KIAA1549L: variants seen among roughly 807,000 people sequenced by gnomAD.
KIAA1549L encodes the protein KIAA1549 like.
Under a neutral mutation model 160.7 loss-of-function variants are expected in KIAA1549L, and 88 were observed. That is an observed-to-expected ratio of 0.55 (90% CI 0.46 to 0.65). The LOEUF (loss-of-function observed/expected upper bound fraction) is 0.65. Among genes scored for constraint, KIAA1549L ranks in the 30% least tolerant of loss-of-function variants. The pLI, the probability that KIAA1549L is intolerant of heterozygous loss-of-function variation, is 0.00. For missense variants in KIAA1549L, 2,258 were observed against 2,437.5 expected, an observed-to-expected ratio of 0.93 and a Z score of 1.55; for synonymous variants, 950 against 976.7, an observed-to-expected ratio of 0.97 and a Z score of 0.51.
chr11:33,612,399 C>G (rs1349001545), intron 15 of KIAA1549L, among the ~76,000 whole-genome samples: 1 of 152,184 alleles, frequency 6.6e-6, no homozygotes, highest in Non-Finnish European at 1.5e-5. Flanking sequence ...GAGGTAGCAT[C>G]AGTGTATTAG....
chr11:33,410,117 CTG>C (rs1850758218), intron 1 of KIAA1549L, among the ~76,000 whole-genome samples: 1 of 152,018 alleles, frequency 6.6e-6, no homozygotes, highest in Non-Finnish European at 1.5e-5. Flanking sequence ...ATGGGAATCA[CTG>C]AGACCAAACC....
At chr11:33,630,058 A>T (rs923775294) in intron 16 of KIAA1549L, among the ~76,000 whole-genome samples, 3 of 152,072 alleles carry the variant, frequency 2.0e-5, no homozygotes, top group African/African-American at 7.3e-5. Flanking sequence ...GTGAGGTGTC[A>T]GTCTGCCTCT....
intron 10 of KIAA1549L, among the ~76,000 whole-genome samples, chr11:33,579,702 A>G (rs1855571472): frequency 6.6e-6 from 1 of 152,130 alleles, no homozygotes; most frequent in Admixed American, 6.5e-5. Context: ...AACGCTATAG[A>G]CTTGAGGATT....
intron 6 of KIAA1549L, among the ~76,000 whole-genome samples, chr11:33,559,034 C>T (rs544686684): frequency 1.1e-4 from 16 of 151,828 alleles, no homozygotes; most frequent in African/African-American, 2.4e-4. Context: ...GATGGGGTTT[C>T]GCTATGTTGG....
intron 1 of KIAA1549L, among the ~76,000 whole-genome samples, chr11:33,459,179 G>A (rs921606669): frequency 1.3e-5 from 2 of 152,214 alleles, no homozygotes; most frequent in African/African-American, 4.8e-5. Flanking sequence ...TCGTGTGGAA[G>A]AATTCTGGGC....
intron 1 of KIAA1549L, among the ~76,000 whole-genome samples, chr11:33,449,546 T>C (rs1851679361): frequency 1.3e-5 from 2 of 152,202 alleles, no homozygotes; most frequent in Admixed American, 1.3e-4. Flanking sequence ...CATTCTTCTG[T>C]GACTCTCTGT....
intron 20 of KIAA1549L, among the ~76,000 whole-genome samples, chr11:33,666,625 G>A (rs1374669426): frequency 6.6e-6 from 1 of 152,126 alleles, no homozygotes; most frequent in African/African-American, 2.4e-5. Flanking sequence ...TGGGAGAATC[G>A]ACTCTAAATT....
chr11:33,559,682 C>T lies in KIAA1549L; in HGVS notation c.3856-67C>T, dbSNP rs1854772474. On this transcript the variant is annotated intron_variant, in intron 6 of 20. Coordinates refer to ENST00000658780, the MANE Select transcript of KIAA1549L (RefSeq NM_012194.3). ...CCTGCTTAGCCTCCCCCTCCCATGG[C>T]CTCCATGAAACACACCCTGGTCTTA... 1.4e-6 allele frequency: 2 copies of T among 1,400,258 alleles called. 1 individual carries two copies. The highest frequency in any genetic ancestry group is 2.4e-5 in the South Asian group (2 of 83,732). 86.7% of individuals were successfully genotyped at this position (1,400,258 alleles called of 1,614,324 possible).
In KIAA1549L at chr11:33,545,192, C is replaced by T. The variant is rs368053850; in HGVS notation, c.3199C>T (p.Arg1067Cys). Residue 1067 changes from arginine to cysteine, a missense_variant, in exon 3 of 21, where the codon CGC becomes TGC. This residue lies in a region of KIAA1549L where 1,359 missense variants were observed against 1,546.6 expected (regional missense o/e 0.88). Coordinates refer to ENST00000658780, the MANE Select transcript of KIAA1549L (RefSeq NM_012194.3). ...NLEMPRASTP[R>C]PLTVTAALTS... Reference sequence around the variant, plus strand: ...GGAGATGCCCAGAGCATCCACGCCACGCCCACTGACAGTCACGGCCGCGCT... The same window carrying T: ...GGAGATGCCCAGAGCATCCACGCCATGCCCACTGACAGTCACGGCCGCGCT... The T allele has an allele frequency of 4.0e-5, 64 of 1,614,028 alleles. No individual in the cohort carries two copies. The highest frequency in any genetic ancestry group is 2.2e-4 in the East Asian group (10 of 44,884).
intron 1 of KIAA1549L, among the ~76,000 whole-genome samples, chr11:33,431,795 G>T (rs992775882): frequency 1.2e-4 from 19 of 152,364 alleles, no homozygotes; most frequent in Non-Finnish European, 2.2e-4. Context: ...TGGAGCAGGG[G>T]GCGGTGCTCA....
intron 13 of KIAA1549L, among the ~76,000 whole-genome samples, chr11:33,600,608 C>T (rs532903048): frequency 1.1e-4 from 16 of 147,914 alleles, no homozygotes; most frequent in African/African-American, 3.7e-4. Flanking sequence ...TTTACAAGGT[C>T]AAATCAAAGA....
At chr11:33,508,108 C>T (rs1853134161) in intron 1 of KIAA1549L, among the ~76,000 whole-genome samples, 1 of 152,206 alleles carries the variant, frequency 6.6e-6, no homozygotes, top group African/African-American at 2.4e-5. Context: ...CCTTTCTCTG[C>T]ACAGGACTTA....
chr11:33,503,090 C>G (rs1425612313), intron 1 of KIAA1549L, among the ~76,000 whole-genome samples: 20 of 152,202 alleles, frequency 1.3e-4, no homozygotes, highest in Admixed American at 1.3e-3. Context: ...ACATTACTAG[C>G]TCACCTGAAG....
At position 33,542,572 on chromosome 11, in the gene KIAA1549L, G is replaced by A; in HGVS notation, c.1009G>A (p.Ala337Thr). 6.2e-7 allele frequency: 1 copy of A among 1,613,862 alleles called. No homozygotes were observed. Among genetic ancestry groups the A allele is most frequent in the Non-Finnish European group, 8.5e-7 (1 of 1,179,818 alleles). Residue 337 changes from alanine to threonine, a missense_variant, in exon 2 of 21, where the codon GCA (alanine) becomes ACA (threonine). Around this residue, in one of 6 missense-constraint regions of KIAA1549L, gnomAD observed 540 missense variants for 465.7 expected, o/e 1.16. Transcript: ENST00000658780. Reference protein sequence around the residue: ...ELSPTEGPHSAGSSTPGFLSP... With the variant: ...ELSPTEGPHSTGSSTPGFLSP... ...GTCCCCAACAGAGGGTCCCCATTCA[G>A]CAGGTTCATCCACACCTGGGTTTTT...
intron 15 of KIAA1549L, among the ~76,000 whole-genome samples, chr11:33,616,842 C>T (rs10768011): frequency 0.49 from 73,801 of 151,968 alleles, 18,211 homozygotes; most frequent in Middle Eastern, 0.59. Flanking sequence ...AATAGAGACA[C>T]TACATAGGCG....
rs546162492 is a variant in KIAA1549L at position 33,631,318 on chromosome 11, A to G, written c.5409+12656A>G. Among the ~76,000 whole-genome samples, 7 of 152,176 alleles carry G rather than the reference A, an allele frequency of 4.6e-5. No homozygotes were observed. In the South Asian group the frequency reaches 1.4e-3, roughly 32 times the overall value. Reference sequence around the variant, plus strand: ...AACCACCCCCTTGGCTCCAGCCTGAACACCTTCCCCAAACTTGTCCTGTGG... The same window carrying G: ...AACCACCCCCTTGGCTCCAGCCTGAGCACCTTCCCCAAACTTGTCCTGTGG... On this transcript the variant is annotated intron_variant, in intron 16 of 20. Coordinates refer to ENST00000658780, the MANE Select transcript of KIAA1549L (RefSeq NM_012194.3).
chr11:33,657,012 TC>T (rs1852088761), intron 18 of KIAA1549L, among the ~76,000 whole-genome samples: 17 of 152,034 alleles, frequency 1.1e-4, no homozygotes, highest in Admixed American at 1.1e-3. Context: ...TCTCAAAAGC[TC>T]CAGGGTTCCC....
rs200310600 is a variant in KIAA1549L at position 33,512,346 on chromosome 11, T to C, written c.239-29456T>C. 2.0e-5 allele frequency among the ~76,000 whole-genome samples: 3 copies of C among 152,154 alleles called. No homozygotes were observed. The East Asian group carries it at 5.8e-4, about 29-fold the overall frequency. ...TTTAATTGGCTGACATTTAAAAAAGTTTTTACCTTTTAATGCTGCCATTAT... is the reference window on the plus strand; with the variant it reads ...TTTAATTGGCTGACATTTAAAAAAGCTTTTACCTTTTAATGCTGCCATTAT... On this transcript the variant is annotated intron_variant, in intron 1 of 20. Coordinates refer to ENST00000658780, the MANE Select transcript of KIAA1549L (RefSeq NM_012194.3).
Position 33,419,515 on chromosome 11 carries a change from T to G in KIAA1549L, c.238+42626T>G, listed in dbSNP as rs113927141. On this transcript the variant is annotated intron_variant, in intron 1 of 20. Transcript: ENST00000658780. ...TTCCCCCCGTCCTTCATCAGAATAG[T>G]GCTATCTTTTTTTCTCTTTTTTTGA... Among the ~76,000 whole-genome samples the G allele has an allele frequency of 2.1e-3, 322 of 152,312 alleles. 3 individuals carry two copies. The highest frequency in any genetic ancestry group is 7.3e-3 in the African/African-American group (302 of 41,578).
Sources: allele counts gnomAD v4.1 joint callset (sites outside exome capture counted in the v4.1 genomes callset), GRCh38; gene constraint gnomAD v4.1.1; regional missense constraint gnomAD v4.1.1; transcripts MANE v1.5; gene names NCBI Gene and HGNC (gene_info 2026-07-23, HGNC 2026-07-21).